The following NFATC3 variants were observed in gnomAD, a reference collection of about 807,000 sequenced individuals.
NFATC3 encodes nuclear factor of activated T-cells, cytoplasmic 3.
In NFATC3, 46 loss-of-function variants were observed where a neutral mutation model predicts 98.6. That is an observed-to-expected ratio of 0.47 (90% CI 0.37 to 0.60). NFATC3 has a LOEUF of 0.60. Among genes scored for constraint, NFATC3 ranks in the 20% least tolerant of loss-of-function variants. NFATC3 has a pLI of 0.00. For synonymous variants in NFATC3, 512 were observed against 472.2 expected (o/e 1.08, Z -1.09); for missense variants, 1,256 against 1,295.5 (o/e 0.97, Z 0.47).
At position 68,183,359 on chromosome 16, in the gene NFATC3, T is replaced by C. The variant is rs781249896; in HGVS notation, c.2091T>C (p.Tyr697=). 5.0e-6 allele frequency: 8 copies of C among 1,612,338 alleles called. No individual in the cohort carries two copies. The highest frequency in any genetic ancestry group is 1.6e-4 in the Middle Eastern group (1 of 6,062). Residue 697 remains tyrosine, a synonymous_variant, in exon 8 of 10, where the codon TAT becomes TAC. Coordinates refer to ENST00000346183, the MANE Select transcript of NFATC3 (RefSeq NM_173165.3). ...RKKSQSQRFT[Y]TPVLMKQEHR... is the part of the protein sequence containing the mutation. Reference sequence around the variant, plus strand: ...AAAGCCAGTCTCAACGTTTTACTTATACACCAGGTACGAGGAGTCATGATG... The same window carrying C: ...AAAGCCAGTCTCAACGTTTTACTTACACACCAGGTACGAGGAGTCATGATG...
At chr16:68,103,021 A>G (rs1360814205) in intron 1 of NFATC3, among the ~76,000 whole-genome samples, 4 of 151,690 alleles carry the variant, frequency 2.6e-5, no homozygotes, top group Non-Finnish European at 5.9e-5. Flanking sequence ...AGAAATGCCT[A>G]TTCATGTGCT....
chr16:68,164,466 C>T (rs1256943590), intron 4 of NFATC3, among the ~76,000 whole-genome samples: 1 of 152,162 alleles, frequency 6.6e-6, no homozygotes, highest in African/African-American at 2.4e-5. Context: ...TACACTAACG[C>T]ATAAGTCACA....
At chr16:68,130,245 G>T (rs1232937663) in intron 3 of NFATC3, among the ~76,000 whole-genome samples, 2 of 151,970 alleles carry the variant, frequency 1.3e-5, no homozygotes, top group African/African-American at 4.8e-5. Flanking sequence ...TTCTGTAATG[G>T]CTATACTCAC....
intron 9 of NFATC3, among the ~76,000 whole-genome samples, chr16:68,203,525 C>T (rs920990280): frequency 6.6e-6 from 1 of 151,648 alleles, no homozygotes; most frequent in Non-Finnish European, 1.5e-5. Context: ...CCCAGCTACT[C>T]GAGAGGCTGA....
intron 8 of NFATC3, among the ~76,000 whole-genome samples, chr16:68,188,223 CGGGAGGGGGGCTTCCT>C: frequency 6.6e-6 from 1 of 152,280 alleles, no homozygotes; most frequent in South Asian, 2.1e-4. Flanking sequence ...TGAGCTGTTG[CGGGAGGGGGGCTTCCT>C]GGGTCTCTCT....
At position 68,217,036 on chromosome 16, in the gene NFATC3, C is replaced by G. The variant is rs755035761; in HGVS notation, c.3107-9314C>G. On this transcript the variant is annotated intron_variant, in intron 9 of 9. Transcript: ENST00000346183. ...TTCAAATCGTGCATGTATTTTTAATCTGTTCAATGGTAGGAAGCTGTCTGG... is the reference window on the plus strand; with the variant it reads ...TTCAAATCGTGCATGTATTTTTAATGTGTTCAATGGTAGGAAGCTGTCTGG... Among the ~76,000 whole-genome samples the G allele has an allele frequency of 9.2e-5, 14 of 152,080 alleles. No homozygotes were observed. In the East Asian group the frequency reaches 2.7e-3, roughly 29 times the overall value.
At chr16:68,198,532 G>C (rs1332073089) in intron 9 of NFATC3, among the ~76,000 whole-genome samples, 3 of 152,072 alleles carry the variant, frequency 2.0e-5, no homozygotes, top group Non-Finnish European at 4.4e-5. Context: ...TTTTAGAACT[G>C]GTGTCAAACA....
chr16:68,150,232 C>G (rs968258532), intron 3 of NFATC3, among the ~76,000 whole-genome samples: 3 of 151,892 alleles, frequency 2.0e-5, no homozygotes, highest in Non-Finnish European at 4.4e-5. Flanking sequence ...AAAAAAAGCC[C>G]CACATCCATT....
intron 9 of NFATC3, among the ~76,000 whole-genome samples, chr16:68,204,460 AT>A (rs1453607278): frequency 3.9e-5 from 6 of 152,202 alleles, no homozygotes; most frequent in Non-Finnish European, 2.9e-5. Context: ...TGGCTCATTA[AT>A]TCTTTGCAAT....
chr16:68,151,114 G>T (rs1373820421), intron 3 of NFATC3, among the ~76,000 whole-genome samples: 1 of 152,070 alleles, frequency 6.6e-6, no homozygotes, highest in Non-Finnish European at 1.5e-5. Context: ...CAGCTACTTG[G>T]GTGGCTGAGG....
At chr16:68,097,752 A>G (rs1443467958) in intron 1 of NFATC3, among the ~76,000 whole-genome samples, 1 of 152,212 alleles carries the variant, frequency 6.6e-6, no homozygotes, top group Admixed American at 6.5e-5. Context: ...AATAAACAAC[A>G]TATTTAAAGT....
intron 5 of NFATC3, among the ~76,000 whole-genome samples, chr16:68,170,386 CAAAAA>C (rs112305272): frequency 1.2e-5 from 1 of 81,064 alleles, no homozygotes; most frequent in Admixed American, 1.4e-4. Flanking sequence ...GATTCTGTCT[CAAAAA>C]AAAAAAAAAA....
At chr16:68,144,214 CA>C (rs1190166684) in intron 3 of NFATC3, among the ~76,000 whole-genome samples, 1 of 152,068 alleles carries the variant, frequency 6.6e-6, no homozygotes, top group Non-Finnish European at 1.5e-5. Context: ...TAGGGAAATG[CA>C]AATTAAAACC....
chr16:68,209,693 G>C (rs1372281652), intron 9 of NFATC3: 1 of 427,958 alleles, frequency 2.3e-6, no homozygotes, highest in Non-Finnish European at 4.5e-6. Flanking sequence ...TTGATGACAA[G>C]AAGCTAGGGG....
intron 3 of NFATC3, chr16:68,138,476 G>T: frequency 8.0e-7 from 1 of 1,255,274 alleles, no homozygotes; most frequent in Non-Finnish European, 1.0e-6. Context: ...TTTTTTAAAA[G>T]TTTATTTTGC....
rs2041692129 is a variant in NFATC3, at chr16:68,217,747, G to A, written c.3107-8603G>A. On this transcript the variant is annotated intron_variant, in intron 9 of 9. Coordinates refer to ENST00000346183, the MANE Select transcript of NFATC3 (RefSeq NM_173165.3). ...GCAGAGAAACCACTTAGTCATGACTGAGTCTTAGCCCGAGGAAGGGATGGG... is the reference window on the plus strand; with the variant it reads ...GCAGAGAAACCACTTAGTCATGACTAAGTCTTAGCCCGAGGAAGGGATGGG... 19 of 1,231,506 alleles carry A rather than the reference G, an allele frequency of 1.5e-5. 1 individual carries two copies. In the South Asian group the frequency reaches 5.3e-4, roughly 35 times the overall value. The allele number at this position is 1,231,506 out of a possible 1,614,324, so 76.3% of individuals were successfully genotyped here. A position where few individuals can be genotyped will look rare whatever the true frequency, so the allele number is the denominator to read the frequency against.
At chr16:68,214,550 C>A in intron 9 of NFATC3, 1 of 751,862 alleles carries the variant, frequency 1.3e-6, no homozygotes, top group Non-Finnish European at 2.3e-6. Context: ...TCTGGTAGGC[C>A]CACTCATTAT....
chr16:68,118,559 T>A (rs1271302784), intron 1 of NFATC3, among the ~76,000 whole-genome samples: 1 of 152,174 alleles, frequency 6.6e-6, no homozygotes, highest in African/African-American at 2.4e-5. Flanking sequence ...TTCTCCCTAA[T>A]CCTAAACTTT....
At chr16:68,172,824 A>G (rs1180972276) in intron 5 of NFATC3, among the ~76,000 whole-genome samples, 1 of 152,234 alleles carries the variant, frequency 6.6e-6, no homozygotes, top group Non-Finnish European at 1.5e-5. Flanking sequence ...TACACAATGA[A>G]AAGAAGTATA....
Sources: gnomAD v4.1 joint callset for allele counts (sites outside exome capture counted in the v4.1 genomes callset) on GRCh38, gnomAD v4.1.1 for gene constraint, MANE v1.5 for transcripts, NCBI Gene and HGNC (gene_info 2026-07-23, HGNC 2026-07-21) for gene names.